Variants in PRKG1 observed in about 807,000 individuals in gnomAD.
PRKG1 encodes cGMP-dependent protein kinase 1.
In PRKG1, 35 loss-of-function variants were observed where a neutral mutation model predicts 88.1. The observed-to-expected ratio is 0.40, with a 90% CI of 0.30 to 0.53. PRKG1 has a LOEUF of 0.53. Ranked by LOEUF, PRKG1 falls within the 20% of genes least tolerant of loss-of-function variation. The pLI is 0.59. For missense variants in PRKG1, 540 were observed against 839.8 expected (o/e 0.64, Z 4.41); for synonymous variants, 303 against 292.5 (o/e 1.04, Z -0.37).
chr10:52,024,377 C>A (rs1009354982), intron 5 of PRKG1, among the ~76,000 whole-genome samples: 4 of 151,150 alleles, frequency 2.6e-5, no homozygotes, highest in Non-Finnish European at 2.9e-5. Flanking sequence ...ATGTGCACAA[C>A]GTGCAGGTTT....
intron 3 of PRKG1, among the ~76,000 whole-genome samples, chr10:51,652,756 T>G (rs1389599577): frequency 6.6e-6 from 1 of 152,206 alleles, no homozygotes; most frequent in African/African-American, 2.4e-5. Flanking sequence ...ATCTATTACT[T>G]TAGCAATTTT....
intron 5 of PRKG1, among the ~76,000 whole-genome samples, chr10:51,945,209 A>T (rs1203030268): frequency 6.7e-6 from 1 of 148,194 alleles, no homozygotes. Flanking sequence ...CCATTATGTA[A>T]TGGCCTTCTT....
intron 5 of PRKG1, among the ~76,000 whole-genome samples, chr10:51,921,420 C>A (rs1429043476): frequency 6.6e-6 from 1 of 152,014 alleles, no homozygotes; most frequent in Non-Finnish European, 1.5e-5. Flanking sequence ...TACTGTCTTA[C>A]TGAATTAGAT....
chr10:51,342,193 G>C (rs1008911510), intron 2 of PRKG1, among the ~76,000 whole-genome samples: 1 of 152,152 alleles, frequency 6.6e-6, no homozygotes, highest in Non-Finnish European at 1.5e-5. Flanking sequence ...AGTAAGGTGA[G>C]GACTCCTAAT....
Position 51,697,518 on chromosome 10 carries a change from C to T in PRKG1, c.593-107067C>T, listed in dbSNP as rs961162425. 4.8e-6 allele frequency: 3 copies of T among 625,976 alleles called. No individual in the cohort carries two copies. In the Admixed American group the frequency reaches 9.4e-5, roughly 20 times the overall value. 38.8% of individuals were successfully genotyped at this position (625,976 alleles called of 1,614,324 possible). On this transcript the variant is annotated intron_variant, in intron 3 of 17. Coordinates refer to ENST00000373980, the MANE Select transcript of PRKG1 (RefSeq NM_006258.4). ...GAACAGACGCACTCCCTCCTCCCCC[C>T]ACCCTCAATTAAAAAAAAAAGGAAA...
intron 4 of PRKG1, among the ~76,000 whole-genome samples, chr10:51,903,908 C>T (rs1380436743): frequency 3.3e-5 from 5 of 151,982 alleles, no homozygotes; most frequent in Non-Finnish European, 5.9e-5. Context: ...CTTATCTATA[C>T]AATAGATGAC....
At chr10:51,517,040 T>C (rs1229760765) in intron 3 of PRKG1, among the ~76,000 whole-genome samples, 1 of 152,194 alleles carries the variant, frequency 6.6e-6, no homozygotes, top group Non-Finnish European at 1.5e-5. Flanking sequence ...ACTGTTTTTT[T>C]CTACCCTCCT....
In PRKG1 at chr10:52,294,337, G is replaced by C. The variant is rs114629806; in HGVS notation, c.*437G>C. 0.012 allele frequency: 1,778 copies of C among 154,148 alleles called. 18 individuals are homozygous for C. Among genetic ancestry groups the C allele is most frequent in the African/African-American group, 0.038 (1,590 of 41,562 alleles). 9.5% of individuals were successfully genotyped at this position (154,148 alleles called of 1,614,324 possible). The stretch of plus-strand genomic sequence containing the variant: ...AAACTGGGCTATTCCCTTTCTTCAA[G>C]TGAAGGCTGTGGGATCTATTACTGC... On this transcript the variant is annotated 3_prime_UTR_variant, in exon 18 of 18. Coordinates refer to ENST00000373980, the MANE Select transcript of PRKG1 (RefSeq NM_006258.4).
At chr10:51,838,960 T>G (rs185697528) in intron 4 of PRKG1, among the ~76,000 whole-genome samples, 54 of 152,270 alleles carry the variant, frequency 3.5e-4, no homozygotes, top group African/African-American at 1.3e-3. Context: ...TAATGGCACA[T>G]ACATTTTAAG....
chr10:51,673,800 C>T (rs2132353873), intron 3 of PRKG1, among the ~76,000 whole-genome samples: 1 of 152,244 alleles, frequency 6.6e-6, no homozygotes. Flanking sequence ...GACTTTTTAA[C>T]ATCTGAAGTC....
chr10:51,599,169 G>A (rs1838533389), intron 3 of PRKG1, among the ~76,000 whole-genome samples: 1 of 152,078 alleles, frequency 6.6e-6, no homozygotes, highest in Admixed American at 6.5e-5. Context: ...TGTCAACCAG[G>A]GGATGATTTG....
At position 51,823,604 on chromosome 10, in the gene PRKG1, A is replaced by G. The variant is rs369214711; in HGVS notation, c.698+18914A>G. On this transcript the variant is annotated intron_variant, in intron 4 of 17. Transcript: ENST00000373980. ...ATGACACATGTCAGAGAATTCATCC[A>G]TGAATTTATCTATAAATTTTTGAAA... Among the ~76,000 whole-genome samples the G allele has an allele frequency of 1.4e-3, 170 of 125,528 alleles. 2 individuals are homozygous for G. The highest frequency in any genetic ancestry group is 5.0e-3 in the African/African-American group (165 of 32,750). 82.4% of individuals were successfully genotyped at this position (125,528 alleles called of 152,430 possible).
chr10:51,824,418 C>T (rs192065301), intron 4 of PRKG1, among the ~76,000 whole-genome samples: 1 of 151,976 alleles, frequency 6.6e-6, no homozygotes, highest in East Asian at 1.9e-4. Flanking sequence ...TTTCATCTGG[C>T]TTTATTTAAG....
chr10:52,259,549 G>T (rs1186335367), intron 10 of PRKG1, among the ~76,000 whole-genome samples: 3 of 151,830 alleles, frequency 2.0e-5, no homozygotes, highest in Non-Finnish European at 4.4e-5. Flanking sequence ...TTAGTACTTG[G>T]TCCCTCAGTA....
chr10:52,216,419 C>T (rs971789880), intron 9 of PRKG1, among the ~76,000 whole-genome samples: 4 of 152,146 alleles, frequency 2.6e-5, no homozygotes, highest in African/African-American at 9.7e-5. Flanking sequence ...GCAAGAGACT[C>T]AAAATCAAAT....
At chr10:51,380,417 A>G (rs1837052295) in intron 2 of PRKG1, among the ~76,000 whole-genome samples, 1 of 152,168 alleles carries the variant, frequency 6.6e-6, no homozygotes, top group South Asian at 2.1e-4. Flanking sequence ...ATGAAAAAAG[A>G]GATTTTTTTG....
intron 1 of PRKG1, among the ~76,000 whole-genome samples, chr10:51,089,516 A>G (rs1005472069): frequency 6.6e-6 from 1 of 152,156 alleles, no homozygotes. Context: ...AAACACAGGA[A>G]AAATGTGAAG....
At chr10:51,269,823 C>T (rs953046907) in intron 2 of PRKG1, among the ~76,000 whole-genome samples, 1 of 152,076 alleles carries the variant, frequency 6.6e-6, no homozygotes, top group Non-Finnish European at 1.5e-5. Context: ...ATGAACTTAT[C>T]CATGTAAACA....
At chr10:52,025,404 G>A (rs1207269635) in intron 5 of PRKG1, among the ~76,000 whole-genome samples, 2 of 152,090 alleles carry the variant, frequency 1.3e-5, no homozygotes, top group African/African-American at 4.8e-5. Context: ...CCTTGCCCAT[G>A]CCTATGTCCT....
Sources: allele counts gnomAD v4.1 joint callset (sites outside exome capture counted in the v4.1 genomes callset), GRCh38; gene constraint gnomAD v4.1.1; transcripts MANE v1.5; gene names NCBI Gene and HGNC (gene_info 2026-07-23, HGNC 2026-07-21).